Variants in DOK5 observed in about 807,000 individuals in gnomAD.
DOK5 encodes the protein docking protein 5.
Under a neutral mutation model 43.3 loss-of-function variants are expected in DOK5, and 27 were observed. The ratio of observed to expected loss-of-function variants is 0.62; its 90% CI spans 0.46 to 0.86. DOK5 has a LOEUF of 0.86. Among genes scored for constraint, DOK5 ranks in the 40% least tolerant of loss-of-function variants. The probability of loss-of-function intolerance (pLI) is 0.00; values close to 1 mark genes in which losing one functional copy is unlikely to be tolerated. For synonymous variants in DOK5, 146 were observed against 140.1 expected, an observed-to-expected ratio of 1.04 and a Z score of -0.30; for missense variants, 373 against 392.9, an observed-to-expected ratio of 0.95 and a Z score of 0.43.
At chr20:54,614,814 C>T (rs1986755505) in intron 6 of DOK5, among the ~76,000 whole-genome samples, 1 of 152,118 alleles carries the variant, frequency 6.6e-6, no homozygotes, top group African/African-American at 2.4e-5. Flanking sequence ...TTGTGAAAAG[C>T]TTAAAATCAA....
chr20:54,628,150 G>C lies in DOK5; in HGVS notation c.736-15308G>C, dbSNP rs1439469159. 6.6e-5 allele frequency among the ~76,000 whole-genome samples: 10 copies of C among 152,258 alleles called. No homozygotes were observed. The East Asian group carries it at 1.7e-3, about 26-fold the overall frequency. ...TAGCACTATATGTTCACAAGGTTGCGAGTGTTTAGGGAAACAAGAACAAGT... is the reference window on the plus strand; with the variant it reads ...TAGCACTATATGTTCACAAGGTTGCCAGTGTTTAGGGAAACAAGAACAAGT... On this transcript the variant is annotated intron_variant, in intron 6 of 7. Coordinates refer to ENST00000262593, the MANE Select transcript of DOK5 (RefSeq NM_018431.5).
chr20:54,566,998 T>C (rs1985121879), intron 2 of DOK5, among the ~76,000 whole-genome samples: 1 of 152,234 alleles, frequency 6.6e-6, no homozygotes, highest in South Asian at 2.1e-4. Flanking sequence ...AATGTCTCTT[T>C]ATGTATTTGA....
intron 1 of DOK5, among the ~76,000 whole-genome samples, chr20:54,553,938 T>C (rs1984626608): frequency 6.6e-6 from 1 of 151,822 alleles, no homozygotes; most frequent in Admixed American, 6.6e-5. Flanking sequence ...AATTTTTAGG[T>C]TTAAAAATGT....
intron 5 of DOK5, among the ~76,000 whole-genome samples, chr20:54,595,021 TG>T (rs1464540774): frequency 3.3e-5 from 5 of 152,112 alleles, no homozygotes; most frequent in African/African-American, 1.2e-4. Flanking sequence ...ATATGGGGTG[TG>T]TGTGTATGTG....
chr20:54,614,734 G>A (rs1986753265), intron 6 of DOK5, among the ~76,000 whole-genome samples: 1 of 152,118 alleles, frequency 6.6e-6, no homozygotes, highest in South Asian at 2.1e-4. Flanking sequence ...TTAAAGCCAC[G>A]GCATCCTGTT....
At chr20:54,566,593 T>A (rs1378294699) in intron 2 of DOK5, among the ~76,000 whole-genome samples, 1 of 152,192 alleles carries the variant, frequency 6.6e-6, no homozygotes, top group Non-Finnish European at 1.5e-5. Flanking sequence ...ATTTGGCATT[T>A]GGTGGTGTCA....
chr20:54,513,479 A>C (rs2426520), intron 1 of DOK5, among the ~76,000 whole-genome samples: 29 of 148,954 alleles, frequency 1.9e-4, no homozygotes, highest in South Asian at 7.2e-4. Context: ...AAAAAAAAAA[A>C]AAAAAAAAAC....
chr20:54,609,552 G>T (rs1465972647), intron 5 of DOK5, among the ~76,000 whole-genome samples: 1 of 150,062 alleles, frequency 6.7e-6, no homozygotes, highest in South Asian at 2.1e-4. Context: ...AAAATATATA[G>T]AGAGCATATA....
intron 1 of DOK5, among the ~76,000 whole-genome samples, chr20:54,480,097 A>G (rs574843156): frequency 1.1e-4 from 17 of 152,212 alleles, no homozygotes; most frequent in African/African-American, 2.2e-4. Context: ...TCAATACAGT[A>G]AAGTGTTCCT....
At chr20:54,608,894 C>T (rs1167433785) in intron 5 of DOK5, among the ~76,000 whole-genome samples, 2 of 152,064 alleles carry the variant, frequency 1.3e-5, no homozygotes, top group African/African-American at 4.8e-5. Flanking sequence ...AAGCTGGTCT[C>T]GAACTCCTGA....
intron 5 of DOK5, among the ~76,000 whole-genome samples, chr20:54,604,907 A>G (rs1280254739): frequency 6.6e-6 from 1 of 151,846 alleles, no homozygotes; most frequent in Non-Finnish European, 1.5e-5. Context: ...AGGCTGAGGC[A>G]GAGAATTGCT....
At chr20:54,534,875 C>T (rs143679429) in intron 1 of DOK5, among the ~76,000 whole-genome samples, 3,379 of 152,070 alleles carry the variant, frequency 0.022, 53 homozygotes, top group Non-Finnish European at 0.034. Flanking sequence ...CTCACTCTGT[C>T]GCACAGGCTG....
chr20:54,594,811 CTT>C (rs1986086911), intron 5 of DOK5, among the ~76,000 whole-genome samples: 3 of 152,092 alleles, frequency 2.0e-5, no homozygotes, highest in South Asian at 4.1e-4. Flanking sequence ...AACATGTTAT[CTT>C]ATTAATTTTC....
intron 1 of DOK5, among the ~76,000 whole-genome samples, chr20:54,502,016 A>G (rs931544371): frequency 6.6e-6 from 1 of 152,178 alleles, no homozygotes; most frequent in Admixed American, 6.5e-5. Context: ...TATGCCATTG[A>G]TAAAGTTGTC....
chr20:54,627,085 T>G (rs1978334328), intron 6 of DOK5, among the ~76,000 whole-genome samples: 1 of 152,158 alleles, frequency 6.6e-6, no homozygotes, highest in East Asian at 1.9e-4. Context: ...TATTTCAGAG[T>G]CTTGATGTAA....
At chr20:54,584,981 T>C (rs1388079881) in intron 2 of DOK5, among the ~76,000 whole-genome samples, 1 of 152,152 alleles carries the variant, frequency 6.6e-6, no homozygotes, top group African/African-American at 2.4e-5. Context: ...AAATACATCT[T>C]TGAAAAGTTT....
Position 54,591,671 on chromosome 20 carries a change from T to C in DOK5, c.465T>C (p.Cys155=), listed in dbSNP as rs1166577925. 1 of 1,613,802 alleles carries C rather than the reference T, an allele frequency of 6.2e-7. No homozygotes were observed. The highest frequency in any genetic ancestry group is 1.3e-5 in the African/African-American group (1 of 75,050). Residue 155 remains cysteine, a synonymous_variant, in exon 5 of 8, where the codon TGT becomes TGC. Transcript: ENST00000262593. The stretch of plus-strand genomic sequence containing the variant: ...CTAACTTAGATGTACATGGCGAATG[T>C]GCCTTGCAGATTACATATGAGTATA... The part of the protein sequence containing the change: ...PSPNLDVHGE[C]ALQITYEYIC...
chr20:54,538,789 C>T (rs187102099), intron 1 of DOK5, among the ~76,000 whole-genome samples: 74 of 152,264 alleles, frequency 4.9e-4, no homozygotes, highest in African/African-American at 1.5e-3. Flanking sequence ...CAGCTTTATT[C>T]ATAACAGTCA....
intron 1 of DOK5, among the ~76,000 whole-genome samples, chr20:54,541,682 C>T (rs911487587): frequency 1.3e-5 from 2 of 152,078 alleles, no homozygotes; most frequent in African/African-American, 4.8e-5. Context: ...AGTGATCCAC[C>T]TGCCTGGGCC....
Sources: allele counts gnomAD v4.1 joint callset (sites outside exome capture counted in the v4.1 genomes callset), GRCh38; gene constraint gnomAD v4.1.1; transcripts MANE v1.5; gene names NCBI Gene and HGNC (gene_info 2026-07-23, HGNC 2026-07-21).